USP8: variants seen among roughly 807,000 people sequenced by gnomAD.
USP8 encodes the protein ubiquitin carboxyl-terminal hydrolase 8.
A neutral mutation model predicts 130.0 loss-of-function variants in USP8; 27 were observed. The ratio of observed to expected loss-of-function variants is 0.21; its 90% CI spans 0.15 to 0.29. The LOEUF is 0.29. Among genes scored for constraint, USP8 ranks in the 10% least tolerant of loss-of-function variants. USP8 has a pLI of 1.00. For synonymous variants in USP8, 392 were observed against 444.1 expected (o/e 0.88, Z 1.48); for missense variants, 1,029 against 1,312.2 (o/e 0.78, Z 3.33).
At chr15:50,479,799 C>T (rs1310559763) in intron 10 of USP8, among the ~76,000 whole-genome samples, 1 of 151,976 alleles carries the variant, frequency 6.6e-6, no homozygotes, top group African/African-American at 2.4e-5. Flanking sequence ...CACTCTCTCA[C>T]CCAGGCTGGA....
chr15:50,490,482 A>G lies in USP8; in HGVS notation c.2191A>G (p.Lys731Glu), dbSNP rs1566886030. 6.2e-7 allele frequency: 1 copy of G among 1,614,198 alleles called. No homozygotes were observed. Among genetic ancestry groups the G allele is most frequent in the Non-Finnish European group, 8.5e-7 (1 of 1,180,040 alleles). ...DITQAIQEEE[K>E]RKPTVTPTVN... ...AACCCAGGCTATTCAAGAGGAAGAG[A>G]AGAGGAAGCCAACAGTAACTCCAAC... Residue 731 changes from lysine (K) to glutamate (E), a missense_variant, in exon 14 of 20, where the codon AAG becomes GAG. Physicochemically the swap from Lys to Glu is moderately conservative, Grantham distance 56. Transcript: ENST00000307179.
intron 14 of USP8, 87 bp downstream of exon 14, chr15:50,490,612 G>A: frequency 6.7e-7 from 1 of 1,500,034 alleles, no homozygotes; most frequent in Non-Finnish European, 8.9e-7. Context: ...TAGTGTCAGG[G>A]AGTTGGAAAT....
At chr15:50,482,734 A>G (rs2051819687) in intron 11 of USP8, among the ~76,000 whole-genome samples, 1 of 152,202 alleles carries the variant, frequency 6.6e-6, no homozygotes, top group Non-Finnish European at 1.5e-5. Flanking sequence ...AACACCAAGT[A>G]TATGTTTATA....
rs149861885 is a variant in USP8 at position 50,492,484 on chromosome 15, ATGTGT to A, written c.2235-215_2235-211del. ...TGACCCACATTAAGAGGTTAAAGGTATGTGTTTCATGGGAAGGTCTGAGACCTTAG... is the reference window on the plus strand; with the variant it reads ...TGACCCACATTAAGAGGTTAAAGGTATTCATGGGAAGGTCTGAGACCTTAG... On this transcript the variant is annotated intron_variant, in intron 14 of 19. Coordinates refer to ENST00000307179, the MANE Select transcript of USP8 (RefSeq NM_005154.5). Among the ~76,000 whole-genome samples the A allele has an allele frequency of 1.2e-4, 18 of 152,258 alleles. No individual in the cohort carries two copies. The East Asian group carries it at 3.3e-3, about 28-fold the overall frequency.
chr15:50,500,704 A>C lies in USP8; in HGVS notation c.*1616A>C, dbSNP rs2052567773. On this transcript the variant is annotated 3_prime_UTR_variant, in exon 20 of 20. Transcript: ENST00000307179. ...AAAGGGCTGGCAGCTATAGAACAGG[A>C]GATCCATAGCATTTTGAACAGAAGT... 2.8e-6 allele frequency: 4 copies of C among 1,436,400 alleles called. No individual in the cohort carries two copies. The South Asian group carries it at 4.9e-5, about 18-fold the overall frequency. 89.0% of individuals were successfully genotyped at this position (1,436,400 alleles called of 1,614,324 possible).
intron 12 of USP8, among the ~76,000 whole-genome samples, chr15:50,485,012 G>A (rs961001493): frequency 3.3e-5 from 5 of 152,132 alleles, no homozygotes; most frequent in African/African-American, 1.2e-4. Context: ...TGTTCAGTAG[G>A]TACAGAGTTT....
At position 50,490,521 on chromosome 15, in the gene USP8, A is replaced by C; in HGVS notation, c.2230A>C (p.Asn744His). ...PTVTPTVNRE[N>H]KPTCYPKAEI... is the part of the protein sequence containing the mutation. ...AGTAACTCCAACAGTTAATCGGGAA[A>C]ACAAGTATGTTTATCTTAACTCCTA... Residue 744 changes from asparagine (N) to histidine (H), a missense_variant, in exon 14 of 20, where the codon AAC (asparagine) becomes CAC (histidine). Asn to His is a moderately conservative substitution (Grantham distance 68). Coordinates refer to ENST00000307179, the MANE Select transcript of USP8 (RefSeq NM_005154.5). 6.2e-7 allele frequency: 1 copy of C among 1,613,270 alleles called. No homozygotes were observed. Among genetic ancestry groups the C allele is most frequent in the Non-Finnish European group, 8.5e-7 (1 of 1,179,848 alleles).
chr15:50,435,657 T>G (rs2050071052), intron 1 of USP8, among the ~76,000 whole-genome samples: 1 of 152,216 alleles, frequency 6.6e-6, no homozygotes, highest in African/African-American at 2.4e-5. Context: ...CTGAAAGTAT[T>G]TTTAACACTA....
intron 2 of USP8, 39 bp from the exon 3 acceptor site, chr15:50,441,310 G>T: frequency 6.5e-7 from 1 of 1,542,176 alleles, no homozygotes; most frequent in Non-Finnish European, 8.7e-7. Context: ...TTTCCCAGAT[G>T]TCAATTGCTT....
In USP8 at chr15:50,428,252, G is replaced by A. The variant is rs552610761; in HGVS notation, c.-66+3738G>A. Among the ~76,000 whole-genome samples the A allele has an allele frequency of 1.2e-4, 19 of 152,264 alleles. 1 individual carries two copies. The South Asian group carries it at 3.9e-3, about 32-fold the overall frequency. ...CTGCCTCAGCCTCCCAAGTAGCTGG[G>A]ATCACAGGCATATGCCGCCACGCCC... On this transcript the variant is annotated intron_variant, in intron 1 of 19. Transcript: ENST00000307179.
intron 2 of USP8, among the ~76,000 whole-genome samples, chr15:50,439,674 C>T (rs1389376391): frequency 2.0e-5 from 3 of 151,438 alleles, no homozygotes; most frequent in Middle Eastern, 3.4e-3. Context: ...TCTGTAATCC[C>T]AGCTACTCGG....
Position 50,497,121 on chromosome 15 carries a change from A to G in USP8, c.2928A>G (p.Lys976=). 1.2e-6 allele frequency: 2 copies of G among 1,605,426 alleles called. No homozygotes were observed. Among genetic ancestry groups the G allele is most frequent in the Non-Finnish European group, 1.7e-6 (2 of 1,177,100 alleles). ...DCLRLFSKEE[K]LTDNNRFYCS... The stretch of plus-strand genomic sequence containing the variant: ...TTAGATTATTTTCCAAAGAAGAAAA[A>G]CTCACAGATAACAACAGATTTTACT... The change falls in exon 18 of 20, where the codon AAA becomes AAG. Residue 976 remains lysine, a synonymous_variant. Transcript: ENST00000307179.
intron 2 of USP8, among the ~76,000 whole-genome samples, chr15:50,439,829 T>TAA (rs56260607): frequency 4.5e-5 from 6 of 133,244 alleles, no homozygotes; most frequent in Admixed American, 3.0e-4. Context: ...ATAATAATAA[T>TAA]TTTTTTTTTC....
Position 50,484,338 on chromosome 15 carries a change from A to G in USP8, c.1867A>G (p.Thr623Ala), listed in dbSNP as rs1166863901. 6.2e-7 allele frequency: 1 copy of G among 1,612,318 alleles called. No homozygotes were observed. The highest frequency in any genetic ancestry group is 1.3e-5 in the African/African-American group (1 of 74,796). The stretch of plus-strand genomic sequence containing the variant: ...AAGGACAGGAACTTTTAGAGAGGAT[A>G]CAGACGATACCGAAAGAAATAAAGT... ...ILRTGTFRED[T>A]DDTERNKAQR... The change falls in exon 12 of 20, where the codon ACA (threonine) becomes GCA (alanine). Residue 623 changes from threonine to alanine, a missense_variant. Transcript: ENST00000307179.
chr15:50,489,339 C>A (rs574208267), intron 12 of USP8, among the ~76,000 whole-genome samples: 1 of 152,194 alleles, frequency 6.6e-6, no homozygotes, highest in East Asian at 1.9e-4. Flanking sequence ...TCTCTACTTA[C>A]ACCTCTTAGC....
chr15:50,439,067 A>C lies in USP8; in HGVS notation c.-7A>C. 1.9e-6 allele frequency: 3 copies of C among 1,603,028 alleles called. No individual in the cohort carries two copies. Among genetic ancestry groups the C allele is most frequent in the Non-Finnish European group, 2.6e-6 (3 of 1,172,998 alleles). ...TTGTGAAAGTGGAAAAGTAAAGATA[A>C]TTCATCATGCCTGCTGTGGCTTCAG... On this transcript the variant is annotated 5_prime_UTR_variant, in exon 2 of 20. Transcript: ENST00000307179.
intron 15 of USP8, chr15:50,493,181 A>G (rs1023482590): frequency 2.9e-5 from 16 of 543,494 alleles, no homozygotes; most frequent in Non-Finnish European, 5.2e-5. Flanking sequence ...CCTAAACGGC[A>G]CCTAATCCTG....
intron 4 of USP8, among the ~76,000 whole-genome samples, chr15:50,455,555 C>T (rs564756865): frequency 1.3e-5 from 2 of 152,292 alleles, no homozygotes; most frequent in African/African-American, 4.8e-5. Flanking sequence ...TGTGCAGCAC[C>T]TTTTCTCTTT....
rs747320579 is a variant in USP8, at chr15:50,500,819, C to T, written c.*1731C>T. ...CAGAAAGCAGTGTAGTGGCCACCAT[C>T]CAAATCACCAAAATGGTTCTATGGG... On this transcript the variant is annotated 3_prime_UTR_variant, in exon 20 of 20. Coordinates refer to ENST00000307179, the MANE Select transcript of USP8 (RefSeq NM_005154.5). 356 of 1,583,720 alleles carry T rather than the reference C, an allele frequency of 2.2e-4. 1 individual carries two copies. The highest frequency in any genetic ancestry group is 4.4e-4 in the Admixed American group (24 of 55,154).
Sources: gnomAD v4.1 joint callset for allele counts (sites outside exome capture counted in the v4.1 genomes callset) on GRCh38, gnomAD v4.1.1 for gene constraint, MANE v1.5 for transcripts, NCBI Gene and HGNC (gene_info 2026-07-23, HGNC 2026-07-21) for gene names.